Variants in COL9A1 observed in about 807,000 individuals in gnomAD.
COL9A1 encodes the protein collagen type IX alpha 1 chain, also known as collagen alpha-1(IX) chain.
Under a neutral mutation model 142.6 loss-of-function variants are expected in COL9A1, and 104 were observed. The observed-to-expected ratio is 0.73, with a 90% CI of 0.62 to 0.86. The LOEUF is 0.86. Ranked by LOEUF, COL9A1 falls within the 40% of genes least tolerant of loss-of-function variation. The pLI is 0.00. For missense variants in COL9A1, 1,210 were observed against 1,176.6 expected (o/e 1.03, Z -0.42); for synonymous variants, 466 against 396.0 (o/e 1.18, Z -2.10).
intron 28 of COL9A1, among the ~76,000 whole-genome samples, chr6:70,248,011 C>T (rs542211292): frequency 6.6e-6 from 1 of 152,168 alleles, no homozygotes; most frequent in Non-Finnish European, 1.5e-5. Context: ...ACACAAGGAA[C>T]GTATCATCTT....
Position 70,298,234 on chromosome 6 carries a change from C to T in COL9A1, c.299+1809G>A, listed in dbSNP as rs112060346. Among the ~76,000 whole-genome samples the T allele has an allele frequency of 1.4e-3, 208 of 152,262 alleles. 1 individual carries two copies. Among genetic ancestry groups the T allele is most frequent in the African/African-American group, 4.8e-3 (201 of 41,568 alleles). On this transcript the variant is annotated intron_variant, in intron 4 of 37. Transcript: ENST00000357250. Reference sequence around the variant, plus strand: ...CTAATAATAAACACTTACCCAATACCAGTGTGGACTGGGCTCTTGAAGCAC... The same window carrying T: ...CTAATAATAAACACTTACCCAATACTAGTGTGGACTGGGCTCTTGAAGCAC...
chr6:70,298,309 C>T (rs9455034), intron 4 of COL9A1, among the ~76,000 whole-genome samples: 33,471 of 152,092 alleles, frequency 0.22, 4,433 homozygotes, highest in East Asian at 0.46. Flanking sequence ...GACAGAGTTA[C>T]TATTCCTAAT....
At chr6:70,282,975 A>G (rs370364096) in intron 6 of COL9A1, 57 bp from the exon 7 acceptor site, 60 of 1,613,972 alleles carry the variant, frequency 3.7e-5, no homozygotes, top group Non-Finnish European at 4.5e-5. Flanking sequence ...CTCGATCGCA[A>G]CTTACTTGAG....
intron 5 of COL9A1, among the ~76,000 whole-genome samples, chr6:70,288,323 C>T (rs1032211560): frequency 6.6e-6 from 1 of 152,188 alleles, no homozygotes; most frequent in Non-Finnish European, 1.5e-5. Flanking sequence ...ATCACCTCCA[C>T]CACTACCACC....
chr6:70,231,045 G>C (rs1769508233), intron 36 of COL9A1, among the ~76,000 whole-genome samples: 1 of 152,182 alleles, frequency 6.6e-6, no homozygotes, highest in Admixed American at 6.5e-5. Context: ...CACACCAGGT[G>C]CAGCAGAACC....
At chr6:70,270,275 C>G in intron 15 of COL9A1, 39 bp downstream of exon 15, 1 of 1,598,560 alleles carries the variant, frequency 6.3e-7, no homozygotes, top group Non-Finnish European at 8.6e-7. Context: ...AACCCTGACT[C>G]TCAGACACAA....
At chr6:70,224,984 T>C (rs1474475877) in intron 37 of COL9A1, among the ~76,000 whole-genome samples, 9 of 152,246 alleles carry the variant, frequency 5.9e-5, no homozygotes, top group Admixed American at 5.2e-4. Flanking sequence ...GCTACAATTA[T>C]AGCTGTGATT....
chr6:70,282,592 C>A (rs142034122), intron 7 of COL9A1, among the ~76,000 whole-genome samples: 2 of 151,948 alleles, frequency 1.3e-5, no homozygotes, highest in Non-Finnish European at 2.9e-5. Flanking sequence ...GGGTGAGGTG[C>A]GGGAAGTAAG....
intron 4 of COL9A1, among the ~76,000 whole-genome samples, chr6:70,297,721 C>T (rs1214369824): frequency 6.6e-6 from 1 of 152,036 alleles, no homozygotes; most frequent in Non-Finnish European, 1.5e-5. Flanking sequence ...ATTAAATAGT[C>T]TTTGGACCTT....
chr6:70,216,844 A>G lies in COL9A1; in HGVS notation c.*53T>C. 1 of 1,594,918 alleles carries G rather than the reference A, an allele frequency of 6.3e-7. No homozygotes were observed. Among genetic ancestry groups the G allele is most frequent in the South Asian group, 1.1e-5 (1 of 90,342 alleles). ...CAGCTTTGGATGGTGTTTCTCACCC[A>G]GGCTCCTTCACCAGGCGTGGTTCAT... On this transcript the variant is annotated 3_prime_UTR_variant, in exon 38 of 38. Transcript: ENST00000357250.
chr6:70,279,670 A>AAAAAAAAAAAAC (rs1554245283), intron 10 of COL9A1: 57 of 172,264 alleles, frequency 3.3e-4, no homozygotes, highest in African/African-American at 1.5e-3. Flanking sequence ...AAAAAAAAAA[A>AAAAAAAAAAAAC]CACATACACA....
chr6:70,281,968 A>G (rs1053489105), intron 7 of COL9A1, among the ~76,000 whole-genome samples: 1 of 152,140 alleles, frequency 6.6e-6, no homozygotes, highest in African/African-American at 2.4e-5. Flanking sequence ...GGAGTAGGGC[A>G]GGGCAGCCTT....
At chr6:70,234,008 A>G (rs1769726527) in intron 35 of COL9A1, among the ~76,000 whole-genome samples, 1 of 152,250 alleles carries the variant, frequency 6.6e-6, no homozygotes, top group Admixed American at 6.5e-5. Context: ...GATAAGGGTT[A>G]ACAAGTATGA....
At chr6:70,244,059 T>A (rs1476088994) in intron 28 of COL9A1, among the ~76,000 whole-genome samples, 2 of 152,222 alleles carry the variant, frequency 1.3e-5, no homozygotes, top group Non-Finnish European at 2.9e-5. Context: ...AGTGTAAAGA[T>A]CCATAAACCT....
intron 18 of COL9A1, among the ~76,000 whole-genome samples, chr6:70,264,446 T>C (rs555248815): frequency 6.6e-6 from 1 of 152,056 alleles, no homozygotes; most frequent in Non-Finnish European, 1.5e-5. Flanking sequence ...CTAGAATCTA[T>C]GACTGACAGT....
chr6:70,222,690 A>G (rs769060551), intron 37 of COL9A1: 1 of 152,182 alleles, frequency 6.6e-6, no homozygotes, highest in Non-Finnish European at 1.5e-5. Flanking sequence ...TATTAGTTAC[A>G]TCGTTAAAAA....
intron 25 of COL9A1, among the ~76,000 whole-genome samples, chr6:70,254,182 T>G (rs539924053): frequency 6.6e-6 from 1 of 152,246 alleles, no homozygotes; most frequent in African/African-American, 2.4e-5. Flanking sequence ...TATATCACAC[T>G]GGCCTACAGC....
chr6:70,232,531 T>G, intron 36 of COL9A1, 52 bp downstream of exon 36: 1 of 1,571,858 alleles, frequency 6.4e-7, no homozygotes, highest in Non-Finnish European at 8.7e-7. Context: ...ATACAGATTA[T>G]ACATCTGAAA....
intron 28 of COL9A1, among the ~76,000 whole-genome samples, chr6:70,250,135 C>G (rs1203046988): frequency 6.9e-6 from 1 of 144,992 alleles, no homozygotes; most frequent in South Asian, 2.1e-4. Flanking sequence ...GTGGTGTGCA[C>G]CTGTAGTTCC....
Sources: gnomAD v4.1 joint callset for allele counts (sites outside exome capture counted in the v4.1 genomes callset) on GRCh38, gnomAD v4.1.1 for gene constraint, MANE v1.5 for transcripts, NCBI Gene and HGNC (gene_info 2026-07-23, HGNC 2026-07-21) for gene names.